FSTL5: variants seen among roughly 807,000 people sequenced by gnomAD.
The protein encoded by FSTL5 is follistatin like 5, also known as follistatin-related protein 5.
In FSTL5, 62 loss-of-function variants were observed where a neutral mutation model predicts 89.1. The observed-to-expected ratio is 0.70, with a 90% CI of 0.57 to 0.86. FSTL5 has a LOEUF of 0.86. Among genes scored for constraint, FSTL5 ranks in the 40% least tolerant of loss-of-function variants. The pLI, the probability that FSTL5 is intolerant of heterozygous loss-of-function variation, is 0.00. For missense variants in FSTL5, 1,057 were observed against 1,001.6 expected (o/e 1.06, Z -0.75); for synonymous variants, 383 against 346.2 (o/e 1.11, Z -1.18).
At chr4:162,065,420 A>G in intron 2 of FSTL5, among the ~76,000 whole-genome samples, 1 of 152,072 alleles carries the variant, frequency 6.6e-6, no homozygotes, top group East Asian at 1.9e-4. Context: ...TTTTCCAATA[A>G]AAACATACAA....
intron 11 of FSTL5, among the ~76,000 whole-genome samples, chr4:161,503,512 G>C (rs1372246338): frequency 6.6e-6 from 1 of 151,884 alleles, no homozygotes; most frequent in Non-Finnish European, 1.5e-5. Flanking sequence ...TGTGTGCATA[G>C]ATATAATTAT....
At chr4:161,391,816 G>A (rs1405447079) in intron 15 of FSTL5, among the ~76,000 whole-genome samples, 4 of 152,180 alleles carry the variant, frequency 2.6e-5, no homozygotes, top group Admixed American at 1.3e-4. Context: ...CTAATGCTTA[G>A]ATGTGTTTGA....
intron 5 of FSTL5, among the ~76,000 whole-genome samples, chr4:161,768,434 G>A (rs929956909): frequency 6.6e-6 from 1 of 151,962 alleles, no homozygotes; most frequent in African/African-American, 2.4e-5. Context: ...AAGGAATTTG[G>A]AGCCCCAGGA....
chr4:161,481,120 C>A lies in FSTL5; in HGVS notation c.1508G>T (p.Trp503Leu), dbSNP rs1314289274. 1 of 1,612,508 alleles carries A rather than the reference C, an allele frequency of 6.2e-7. No homozygotes were observed. Among genetic ancestry groups the A allele is most frequent in the Non-Finnish European group, 8.5e-7 (1 of 1,178,988 alleles). Residue 503 changes from tryptophan to leucine, a missense_variant, in exon 13 of 16, where the codon TGG becomes TTG. Physicochemically the swap from Trp to Leu is moderately conservative, Grantham distance 61. Around this residue, in one of 3 missense-constraint regions of FSTL5, gnomAD observed 980 missense variants for 903.2 expected, o/e 1.08. Coordinates refer to ENST00000306100, the MANE Select transcript of FSTL5 (RefSeq NM_020116.5). The part of the protein sequence containing the change: ...AEGDEVQRCV[W>L]ASAVNVKDKF... ...GTCTTTGACATTAACAGCTGATGCC[C>A]ACACACACCTCTGAACTTCATCTCC...
At chr4:161,990,482 T>A (rs1423820993) in intron 3 of FSTL5, among the ~76,000 whole-genome samples, 1 of 152,118 alleles carries the variant, frequency 6.6e-6, no homozygotes, top group Non-Finnish European at 1.5e-5. Context: ...ATAATATGTC[T>A]AATGATAAAA....
At chr4:161,686,326 ATATATATATATATATATATATTTTTTTT>A (rs1428100580) in intron 6 of FSTL5, among the ~76,000 whole-genome samples, 235 of 10,510 alleles carry the variant, frequency 0.022, 2 homozygotes, top group South Asian at 0.11. Flanking sequence ...ATATATATAT[ATATATATATATATATATATATTTTTTTT>A]TTTTTTTTTT....
At chr4:161,827,646 G>A (rs1167050993) in intron 4 of FSTL5, among the ~76,000 whole-genome samples, 1 of 152,140 alleles carries the variant, frequency 6.6e-6, no homozygotes, top group African/African-American at 2.4e-5. Context: ...TGGAAGATGG[G>A]GGCATGGTTC....
intron 4 of FSTL5, among the ~76,000 whole-genome samples, chr4:161,803,192 TA>T (rs1026080930): frequency 4.6e-5 from 7 of 151,914 alleles, no homozygotes; most frequent in African/African-American, 1.7e-4. Context: ...ATCAGTTGGG[TA>T]AAATTCATTC....
At chr4:161,557,152 A>G (rs1163483808) in intron 8 of FSTL5, among the ~76,000 whole-genome samples, 2 of 151,478 alleles carry the variant, frequency 1.3e-5, no homozygotes, top group African/African-American at 4.8e-5. Flanking sequence ...TCATCACTTT[A>G]TACTTTAACC....
chr4:162,083,694 ATAT>A (rs1319995821), intron 2 of FSTL5, among the ~76,000 whole-genome samples: 2 of 151,870 alleles, frequency 1.3e-5, no homozygotes, highest in Non-Finnish European at 2.9e-5. Flanking sequence ...ATAATTTCAA[ATAT>A]TATCAAAACA....
intron 4 of FSTL5, among the ~76,000 whole-genome samples, chr4:161,916,293 C>A (rs901958125): frequency 3.3e-5 from 5 of 152,108 alleles, no homozygotes; most frequent in African/African-American, 1.2e-4. Flanking sequence ...AATCCCTTTT[C>A]ATTTTGGCAT....
At chr4:161,710,398 A>G (rs1738737778) in intron 6 of FSTL5, among the ~76,000 whole-genome samples, 2 of 152,204 alleles carry the variant, frequency 1.3e-5, no homozygotes, top group Non-Finnish European at 2.9e-5. Context: ...ATGGCATACA[A>G]AAATAGGAAG....
At chr4:161,915,387 T>C (rs1035820033) in intron 4 of FSTL5, among the ~76,000 whole-genome samples, 4 of 151,852 alleles carry the variant, frequency 2.6e-5, no homozygotes, top group African/African-American at 9.7e-5. Context: ...ATTTGTTGAA[T>C]AGTCCTAATG....
At chr4:161,939,590 T>G (rs1734521889) in intron 3 of FSTL5, among the ~76,000 whole-genome samples, 1 of 151,888 alleles carries the variant, frequency 6.6e-6, no homozygotes, top group Non-Finnish European at 1.5e-5. Flanking sequence ...GGCTTGAAAA[T>G]GATCAAATAA....
At chr4:161,609,720 A>G (rs1049794383) in intron 7 of FSTL5, among the ~76,000 whole-genome samples, 3 of 152,126 alleles carry the variant, frequency 2.0e-5, no homozygotes, top group African/African-American at 7.2e-5. Context: ...AGGTATAGCA[A>G]GCAGCATGAG....
chr4:161,863,614 T>A (rs1731985745), intron 4 of FSTL5, among the ~76,000 whole-genome samples: 1 of 152,186 alleles, frequency 6.6e-6, no homozygotes, highest in African/African-American at 2.4e-5. Flanking sequence ...CTTTTCCAAT[T>A]CCTGGTTTCC....
intron 1 of FSTL5, 37 bp from the exon 2 acceptor site, chr4:162,111,449 G>A: frequency 6.9e-7 from 1 of 1,458,002 alleles, no homozygotes; most frequent in Non-Finnish European, 9.4e-7. Context: ...CAGAGAAAAT[G>A]AATTATATAT....
At chr4:161,522,621 A>G (rs1731078263) in intron 10 of FSTL5, among the ~76,000 whole-genome samples, 1 of 151,514 alleles carries the variant, frequency 6.6e-6, no homozygotes, top group Admixed American at 6.6e-5. Context: ...ACACTCTACA[A>G]GATAGTCAGC....
At chr4:161,443,351 T>G (rs191360108) in intron 15 of FSTL5, among the ~76,000 whole-genome samples, 1 of 152,130 alleles carries the variant, frequency 6.6e-6, no homozygotes, top group African/African-American at 2.4e-5. Context: ...GCATACTAAA[T>G]TTTTTTAAAG....
Sources: allele counts gnomAD v4.1 joint callset (sites outside exome capture counted in the v4.1 genomes callset), GRCh38; gene constraint gnomAD v4.1.1; regional missense constraint gnomAD v4.1.1; transcripts MANE v1.5; gene names NCBI Gene and HGNC (gene_info 2026-07-23, HGNC 2026-07-21).